MIER3: variants seen among roughly 807,000 people sequenced by gnomAD.
The protein encoded by MIER3 is MIER family member 3.
Under a neutral mutation model 63.2 loss-of-function variants are expected in MIER3, and 9 were observed. The ratio of observed to expected loss-of-function variants is 0.14; its 90% CI spans 0.09 to 0.25. The LOEUF is 0.25. MIER3 is among the 10% of genes least tolerant of loss of function. The probability of loss-of-function intolerance (pLI) is 1.00; values close to 1 mark genes in which losing one functional copy is unlikely to be tolerated. For synonymous variants in MIER3, 205 were observed against 224.9 expected (o/e 0.91, Z 0.79); for missense variants, 512 against 666.2 (o/e 0.77, Z 2.55).
intron 8 of MIER3, 122 bp downstream of exon 8, chr5:56,933,125 A>G (rs1244421881): frequency 5.7e-6 from 6 of 1,054,378 alleles, no homozygotes; most frequent in Admixed American, 3.0e-5. Flanking sequence ...AGTATTTTGC[A>G]TATTTTAAAA....
intron 3 of MIER3, among the ~76,000 whole-genome samples, chr5:56,942,161 C>T (rs1344765419): frequency 6.6e-6 from 1 of 152,098 alleles, no homozygotes; most frequent in Non-Finnish European, 1.5e-5. Context: ...ATCTGGCATT[C>T]ATTAGCATCT....
intron 1 of MIER3, 54 bp downstream of exon 1, chr5:56,952,040 A>G (rs2112165243): frequency 1.6e-6 from 2 of 1,250,440 alleles, no homozygotes; most frequent in Admixed American, 3.6e-5. Context: ...GGTCGCGGGG[A>G]GCCGCCGGGC....
intron 7 of MIER3, among the ~76,000 whole-genome samples, chr5:56,933,813 A>T (rs1750354913): frequency 6.6e-6 from 1 of 152,278 alleles, no homozygotes; most frequent in Admixed American, 6.5e-5. Flanking sequence ...GAGGTTCAAA[A>T]TTGCAAATAA....
At chr5:56,930,210 G>A (rs565489716) in intron 9 of MIER3, among the ~76,000 whole-genome samples, 14 of 150,466 alleles carry the variant, frequency 9.3e-5, no homozygotes, top group African/African-American at 3.2e-4. Context: ...CAAAACATAA[G>A]AACTATAAAA....
At chr5:56,946,207 A>G (rs1457162196) in intron 3 of MIER3, among the ~76,000 whole-genome samples, 1 of 149,268 alleles carries the variant, frequency 6.7e-6, no homozygotes, top group African/African-American at 2.6e-5. Context: ...AACTCAGGGG[A>G]TAAGTATCAT....
chr5:56,928,786 T>G lies in MIER3; in HGVS notation c.905A>C (p.His302Pro). Residue 302 changes from histidine to proline, a missense_variant, in exon 10 of 13, where the codon CAT (histidine) becomes CCT (proline). By Grantham distance (77) the His-to-Pro change is moderately conservative. Around this residue, in one of 5 missense-constraint regions of MIER3, gnomAD observed 34 missense variants for 86.3 expected, o/e 0.39. Coordinates refer to ENST00000381199, the MANE Select transcript of MIER3 (RefSeq NM_001297599.2). ...ATTTACCTTATTCTTCTGTATAAGATGAAAATCTTTTCCAAAAAGCATGAG... is the reference window on the plus strand; with the variant it reads ...ATTTACCTTATTCTTCTGTATAAGAGGAAAATCTTTTCCAAAAAGCATGAG... ...HALMLFGKDF[H>P]LIQKNKVRTR... The G allele has an allele frequency of 6.2e-7, 1 of 1,613,084 alleles. No homozygotes were observed. Among genetic ancestry groups the G allele is most frequent in the Non-Finnish European group, 8.5e-7 (1 of 1,179,250 alleles).
chr5:56,951,851 C>T (rs1478349317), intron 1 of MIER3, among the ~76,000 whole-genome samples: 2 of 151,158 alleles, frequency 1.3e-5, no homozygotes, highest in East Asian at 3.9e-4. Flanking sequence ...GCTCGGTCGC[C>T]CGGCCCGACC....
chr5:56,947,208 T>C (rs1750855270), intron 2 of MIER3, 137 bp from the exon 3 acceptor site: 5 of 858,276 alleles, frequency 5.8e-6, no homozygotes, highest in Non-Finnish European at 8.5e-6. Context: ...ATATAATTTA[T>C]AGGTTATAAA....
chr5:56,936,940 T>C (rs527416638), intron 5 of MIER3: 1 of 152,194 alleles, frequency 6.6e-6, no homozygotes, highest in Non-Finnish European at 1.5e-5. Flanking sequence ...CAGGAGCCTT[T>C]TAATAGAAAT....
In MIER3 at chr5:56,923,719, G is replaced by A. The variant is rs752426714; in HGVS notation, c.1167C>T (p.Leu389=). Residue 389 remains leucine (L), a synonymous_variant, in exon 12 of 13, where the codon CTC becomes CTT. Transcript: ENST00000381199. ...EPIPDQQLNI[L]NSFTASDLTA... ...TCAAGTCACTGGCAGTGAAGGAGTT[G>A]AGAATGTTTAGCTGTTGATCAGGAA... The A allele has an allele frequency of 3.7e-6, 6 of 1,614,114 alleles. No homozygotes were observed. In the South Asian group the frequency reaches 5.5e-5, roughly 15 times the overall value.
intron 3 of MIER3, among the ~76,000 whole-genome samples, chr5:56,940,436 C>T (rs1031797164): frequency 6.6e-6 from 1 of 152,190 alleles, no homozygotes; most frequent in Non-Finnish European, 1.5e-5. Context: ...CCTTAGAGGG[C>T]CAGCTGGCTG....
Position 56,930,682 on chromosome 5 carries a change from T to G in MIER3, c.811A>C (p.Asn271His), listed in dbSNP as rs751749127. The change falls in exon 9 of 13, where the codon AAT becomes CAT. Residue 271 changes from asparagine to histidine, a missense_variant. This residue lies in a region of MIER3 where 118 missense variants were observed against 133.6 expected (regional missense o/e 0.88). Coordinates refer to ENST00000381199, the MANE Select transcript of MIER3 (RefSeq NM_001297599.2). ...TTCTTACCTTGAGAGGCCTTTCCATTGCAGCAGTATCTTTCGATTGCTTCC... is the reference window on the plus strand; with the variant it reads ...TTCTTACCTTGAGAGGCCTTTCCATGGCAGCAGTATCTTTCGATTGCTTCC... ...IKEAIERYCC[N>H]GKASQEGMTA... 6.2e-7 allele frequency: 1 copy of G among 1,613,908 alleles called. No homozygotes were observed. Among genetic ancestry groups the G allele is most frequent in the Non-Finnish European group, 8.5e-7 (1 of 1,179,814 alleles).
intron 4 of MIER3, chr5:56,938,210 T>C (rs1579853971): frequency 1.1e-5 from 5 of 469,528 alleles, no homozygotes; most frequent in South Asian, 6.2e-5. Flanking sequence ...AGCCACTCAA[T>C]AAATACTTGT....
chr5:56,950,712 C>A, intron 1 of MIER3, 60 bp from the exon 2 acceptor site: 1 of 1,595,068 alleles, frequency 6.3e-7, no homozygotes, highest in South Asian at 1.1e-5. Flanking sequence ...GAGGCAGCGC[C>A]GGCAACAGGG....
At chr5:56,949,394 G>A (rs1346798306) in intron 2 of MIER3, among the ~76,000 whole-genome samples, 1 of 152,140 alleles carries the variant, frequency 6.6e-6, no homozygotes, top group African/African-American at 2.4e-5. Flanking sequence ...AGGTTACACT[G>A]TCTTTTGGCT....
intron 4 of MIER3, chr5:56,938,668 A>C (rs758722512): frequency 3.6e-6 from 2 of 551,396 alleles, no homozygotes; most frequent in Non-Finnish European, 6.4e-6. Context: ...TTATGGGAGA[A>C]TATTCAGGCA....
At chr5:56,923,873 C>G (rs1187656625) in intron 11 of MIER3, 40 bp from the exon 12 acceptor site, 1 of 1,613,992 alleles carries the variant, frequency 6.2e-7, no homozygotes, top group Non-Finnish European at 8.5e-7. Context: ...CTATATATTA[C>G]AGTTAAAAGT....
At chr5:56,928,906 TTA>T in intron 9 of MIER3, 45 bp from the exon 10 acceptor site, 1 of 1,388,008 alleles carries the variant, frequency 7.2e-7, no homozygotes, top group Non-Finnish European at 1.0e-6. Context: ...CCAAATTTTC[TTA>T]TGTGAATCAC....
chr5:56,927,607 G>C lies in MIER3; in HGVS notation c.924+1160C>G, dbSNP rs115068757. ...TAAGAGTAGTTTGAGGTTCACAGCA[G>C]AACTGAGCAGAAAGTAGAGAGTTCC... On this transcript the variant is annotated intron_variant, in intron 10 of 12. Coordinates refer to ENST00000381199, the MANE Select transcript of MIER3 (RefSeq NM_001297599.2). 3.5e-3 allele frequency among the ~76,000 whole-genome samples: 531 copies of C among 152,230 alleles called. 4 individuals are homozygous for C. Among genetic ancestry groups the C allele is most frequent in the African/African-American group, 0.011 (465 of 41,554 alleles).
Sources: allele counts gnomAD v4.1 joint callset (sites outside exome capture counted in the v4.1 genomes callset), GRCh38; gene constraint gnomAD v4.1.1; regional missense constraint gnomAD v4.1.1; transcripts MANE v1.5; gene names NCBI Gene and HGNC (gene_info 2026-07-23, HGNC 2026-07-21).